Variants in PALLD observed in about 807,000 individuals in gnomAD.
PALLD encodes palladin.
PALLD carries 61 observed loss-of-function variants against 123.5 expected under a neutral mutation model. The observed-to-expected ratio is 0.49, with a 90% CI of 0.40 to 0.61. The LOEUF is 0.61. Ranked by LOEUF, PALLD falls within the 20% of genes least tolerant of loss-of-function variation. The probability of loss-of-function intolerance (pLI) is 0.00; values close to 1 mark genes in which losing one functional copy is unlikely to be tolerated. For synonymous variants in PALLD, 465 were observed against 496.4 expected (o/e 0.94, Z 0.84); for missense variants, 1,273 against 1,377.0 (o/e 0.92, Z 1.20).
intron 2 of PALLD, among the ~76,000 whole-genome samples, chr4:168,641,082 C>T (rs1221891157): frequency 6.6e-6 from 1 of 152,030 alleles, no homozygotes; most frequent in Non-Finnish European, 1.5e-5. Context: ...GCGGCATGTG[C>T]CTGTAGTCCC....
chr4:168,891,171 T>C (rs1351719729), intron 11 of PALLD, 114 bp downstream of exon 11: 13 of 1,086,900 alleles, frequency 1.2e-5, no homozygotes. Flanking sequence ...TTATTATTAT[T>C]ATTATTTTTG....
In PALLD at chr4:168,654,294, T is replaced by G. The variant is rs57247673; in HGVS notation, c.909-13896T>G. 4.7e-3 allele frequency among the ~76,000 whole-genome samples: 720 copies of G among 152,216 alleles called. 7 individuals are homozygous for G. The highest frequency in any genetic ancestry group is 0.016 in the African/African-American group (679 of 41,538). On this transcript the variant is annotated intron_variant, in intron 2 of 21. Transcript: ENST00000505667. Reference sequence around the variant, plus strand: ...TTTGGGGAGGAGGGAAGGGGTGTTATGTGTATTTTTTTGTCTTTTGCCAAG... The same window carrying G: ...TTTGGGGAGGAGGGAAGGGGTGTTAGGTGTATTTTTTTGTCTTTTGCCAAG...
intron 10 of PALLD, among the ~76,000 whole-genome samples, chr4:168,735,050 G>A (rs538571428): frequency 4.6e-5 from 7 of 152,122 alleles, no homozygotes; most frequent in Non-Finnish European, 7.4e-5. Context: ...TTTTCTTGGA[G>A]GCTGAGTCAT....
At chr4:168,654,060 A>G (rs1055100379) in intron 2 of PALLD, among the ~76,000 whole-genome samples, 2 of 152,134 alleles carry the variant, frequency 1.3e-5, no homozygotes, top group African/African-American at 4.8e-5. Flanking sequence ...GGCTCAAGCA[A>G]TCCTTCAACC....
chr4:168,517,566 C>A (rs749595712), intron 2 of PALLD, among the ~76,000 whole-genome samples: 1 of 152,162 alleles, frequency 6.6e-6, no homozygotes, highest in Non-Finnish European at 1.5e-5. Flanking sequence ...ATCTATGCAA[C>A]TCTGTCAGTA....
chr4:168,735,365 A>G (rs141613582), intron 10 of PALLD, among the ~76,000 whole-genome samples: 2 of 152,328 alleles, frequency 1.3e-5, no homozygotes, highest in African/African-American at 4.8e-5. Context: ...GGAGAAGGAA[A>G]GAGAGTATTT....
chr4:168,546,051 A>C (rs1766107690), intron 2 of PALLD, among the ~76,000 whole-genome samples: 2 of 152,194 alleles, frequency 1.3e-5, no homozygotes, highest in Admixed American at 1.3e-4. Flanking sequence ...AAAGAAATTT[A>C]GGGGTAGCTC....
intron 2 of PALLD, among the ~76,000 whole-genome samples, chr4:168,586,690 T>C (rs1221760167): frequency 6.6e-6 from 1 of 152,142 alleles, no homozygotes; most frequent in Non-Finnish European, 1.5e-5. Flanking sequence ...AGCTGATTGC[T>C]TCCTGGGTTC....
intron 2 of PALLD, among the ~76,000 whole-genome samples, chr4:168,544,354 G>A (rs1002788998): frequency 1.3e-5 from 2 of 152,232 alleles, no homozygotes; most frequent in Admixed American, 1.3e-4. Flanking sequence ...ATAAGTAAAT[G>A]CTGTCTTGCC....
intron 10 of PALLD, among the ~76,000 whole-genome samples, chr4:168,761,176 T>C (rs1438827395): frequency 1.3e-5 from 2 of 152,244 alleles, no homozygotes; most frequent in African/African-American, 4.8e-5. Context: ...GAAATATTTT[T>C]AGTTTTTCAT....
At chr4:168,807,267 A>G (rs1167782246) in intron 10 of PALLD, among the ~76,000 whole-genome samples, 2 of 150,314 alleles carry the variant, frequency 1.3e-5, no homozygotes, top group Admixed American at 1.3e-4. Flanking sequence ...CTATGAGTAC[A>G]CACACACACG....
At chr4:168,751,025 T>C (rs535824526) in intron 10 of PALLD, among the ~76,000 whole-genome samples, 1 of 151,938 alleles carries the variant, frequency 6.6e-6, no homozygotes, top group East Asian at 1.9e-4. Flanking sequence ...TATTTTTTTT[T>C]TTTTGAGATG....
At chr4:168,659,422 G>C (rs1778918223) in intron 2 of PALLD, among the ~76,000 whole-genome samples, 1 of 152,186 alleles carries the variant, frequency 6.6e-6, no homozygotes, top group African/African-American at 2.4e-5. Context: ...TGCTTTGGGA[G>C]GAGGAGGCAG....
intron 15 of PALLD, among the ~76,000 whole-genome samples, chr4:168,906,185 T>C (rs1052991945): frequency 7.2e-5 from 11 of 152,224 alleles, no homozygotes; most frequent in African/African-American, 2.7e-4. Context: ...GAATTATCTG[T>C]GGTCCTTACG....
chr4:168,846,662 T>C (rs1418830961), intron 10 of PALLD, among the ~76,000 whole-genome samples: 1 of 152,176 alleles, frequency 6.6e-6, no homozygotes, highest in African/African-American at 2.4e-5. Context: ...ACCATTCAAA[T>C]ACATGTAAAT....
intron 10 of PALLD, chr4:168,877,669 A>G (rs1751936131): frequency 2.1e-6 from 2 of 949,132 alleles, no homozygotes; most frequent in South Asian, 1.0e-4. Context: ...CTCCTGGAAT[A>G]CACGTTCCTG....
At chr4:168,897,692 T>TCCTCCCA (rs1755517165) in intron 13 of PALLD, among the ~76,000 whole-genome samples, 2 of 152,232 alleles carry the variant, frequency 1.3e-5, no homozygotes, top group African/African-American at 4.8e-5. Flanking sequence ...CCAGAAGCAA[T>TCCTCCCA]CCTCCCACCT....
intron 3 of PALLD, among the ~76,000 whole-genome samples, chr4:168,677,495 C>A (rs552663284): frequency 6.6e-6 from 1 of 152,088 alleles, no homozygotes; most frequent in Non-Finnish European, 1.5e-5. Context: ...AAAGAGAGGT[C>A]ATCAGAAGGA....
intron 15 of PALLD, among the ~76,000 whole-genome samples, chr4:168,905,367 C>A (rs534347148): frequency 6.6e-6 from 1 of 151,556 alleles, no homozygotes; most frequent in African/African-American, 2.4e-5. Flanking sequence ...CCAGGATGGT[C>A]TCGATCTCCT....
Sources: allele counts gnomAD v4.1 joint callset (sites outside exome capture counted in the v4.1 genomes callset), GRCh38; gene constraint gnomAD v4.1.1; transcripts MANE v1.5; gene names NCBI Gene and HGNC (gene_info 2026-07-23, HGNC 2026-07-21).